ASIC2: variants seen among roughly 807,000 people sequenced by gnomAD.
ASIC2 encodes the protein acid-sensing ion channel 2.
A neutral mutation model predicts 57.3 loss-of-function variants in ASIC2; 25 were observed. That is an observed-to-expected ratio of 0.44 (90% CI 0.32 to 0.61). The LOEUF is 0.61. Ranked by LOEUF, ASIC2 falls within the 20% of genes least tolerant of loss-of-function variation. The pLI, the probability that ASIC2 is intolerant of heterozygous loss-of-function variation, is 0.06. For missense variants in ASIC2, 641 were observed against 738.1 expected (o/e 0.87, Z 1.52); for synonymous variants, 319 against 307.5 (o/e 1.04, Z -0.39).
At chr17:33,398,051 G>A (rs1462649330) in intron 1 of ASIC2, among the ~76,000 whole-genome samples, 3 of 152,202 alleles carry the variant, frequency 2.0e-5, no homozygotes, top group African/African-American at 7.2e-5. Flanking sequence ...ACAGGGAGAT[G>A]CCTCTGTCTA....
intron 1 of ASIC2, among the ~76,000 whole-genome samples, chr17:33,960,699 G>A (rs111673321): frequency 5.5e-4 from 83 of 152,154 alleles, no homozygotes; most frequent in African/African-American, 1.9e-3. Context: ...CCTGCTTCTG[G>A]AATTTGTCCT....
chr17:34,007,768 C>T (rs924641136), intron 1 of ASIC2, among the ~76,000 whole-genome samples: 2 of 152,228 alleles, frequency 1.3e-5, no homozygotes, highest in African/African-American at 4.8e-5. Flanking sequence ...AACCTCGTTT[C>T]TCCCAATCCC....
intron 1 of ASIC2, among the ~76,000 whole-genome samples, chr17:33,235,351 T>C (rs374019246): frequency 1.4e-4 from 21 of 152,166 alleles, no homozygotes; most frequent in Admixed American, 5.9e-4. Context: ...GAGGGAGTTC[T>C]CTGGTGCTGG....
intron 1 of ASIC2, among the ~76,000 whole-genome samples, chr17:33,978,137 C>T (rs978177531): frequency 1.3e-5 from 2 of 152,190 alleles, no homozygotes; most frequent in South Asian, 2.1e-4. Flanking sequence ...TTGAATGTGC[C>T]TGTGCTGGCC....
At chr17:33,224,868 G>T (rs768721790) in intron 1 of ASIC2, among the ~76,000 whole-genome samples, 2 of 152,206 alleles carry the variant, frequency 1.3e-5, no homozygotes, top group Non-Finnish European at 2.9e-5. Context: ...AAAGCTATAA[G>T]TATCAGGTAC....
chr17:33,027,978 C>G (rs2091865919), intron 4 of ASIC2, among the ~76,000 whole-genome samples: 1 of 152,226 alleles, frequency 6.6e-6, no homozygotes, highest in South Asian at 2.1e-4. Context: ...GAGGTAAGAA[C>G]AGCAGACAAC....
intron 1 of ASIC2, among the ~76,000 whole-genome samples, chr17:33,508,184 C>G (rs1418070686): frequency 6.6e-6 from 1 of 152,050 alleles, no homozygotes; most frequent in Non-Finnish European, 1.5e-5. Context: ...CCCCTCCTCC[C>G]TTGCTCCCTT....
chr17:33,297,785 G>T (rs1263559335), upstream of ASIC2, among the ~76,000 whole-genome samples: 1 of 151,672 alleles, frequency 6.6e-6, no homozygotes, highest in Admixed American at 6.6e-5. Flanking sequence ...TCATGCCACT[G>T]TACTCCAGCC....
At chr17:33,427,710 A>T (rs1274668215) in intron 1 of ASIC2, among the ~76,000 whole-genome samples, 1 of 152,136 alleles carries the variant, frequency 6.6e-6, no homozygotes, top group Non-Finnish European at 1.5e-5. Flanking sequence ...GTGATTCTCA[A>T]CCCTGGCTGT....
At chr17:33,639,190 C>T (rs2142032320) in intron 1 of ASIC2, among the ~76,000 whole-genome samples, 1 of 152,000 alleles carries the variant, frequency 6.6e-6, no homozygotes, top group East Asian at 2.0e-4. Context: ...TCCAAGGAGT[C>T]AATCTGCTTA....
Position 33,814,729 on chromosome 17 carries a change from C to T in ASIC2, c.555+341249G>A, listed in dbSNP as rs79302682. On this transcript the variant is annotated intron_variant, in intron 1 of 9. Transcript: ENST00000359872. ...TGAGTGGCACATATGTGCAGGTGTG[C>T]GACCGCATAATTATTCATAATTTTT... Among the ~76,000 whole-genome samples the T allele has an allele frequency of 3.6e-3, 543 of 152,252 alleles. 2 individuals are homozygous for T. Among genetic ancestry groups the T allele is most frequent in the Non-Finnish European group, 5.9e-3 (398 of 68,034 alleles).
In ASIC2 at chr17:33,980,942, A is replaced by ATTTT. The variant is rs34633102; in HGVS notation, c.555+175032_555+175035dup. 1.1e-4 allele frequency: 14 copies of ATTTT among 130,582 alleles called. 1 individual carries two copies. The highest frequency in any genetic ancestry group is 2.3e-4 in the African/African-American group (8 of 34,498). 8.1% of individuals were successfully genotyped at this position (130,582 alleles called of 1,614,324 possible). On this transcript the variant is annotated intron_variant, in intron 1 of 9. Coordinates refer to the ASIC2 transcript ENST00000359872. ...TCTCCCCATCCCTTCCTCAAGTGTA[A>ATTTT]TTTTTTTTTTTTTAGACAGAATCTT...
chr17:33,526,897 C>G (rs1052647380), intron 1 of ASIC2, among the ~76,000 whole-genome samples: 5 of 152,216 alleles, frequency 3.3e-5, no homozygotes, highest in African/African-American at 1.2e-4. Flanking sequence ...TGCATCTGTT[C>G]CCTAATCAAA....
At chr17:33,911,835 A>G (rs1244814646) in intron 1 of ASIC2, among the ~76,000 whole-genome samples, 1 of 152,118 alleles carries the variant, frequency 6.6e-6, no homozygotes, top group Non-Finnish European at 1.5e-5. Context: ...AAAGCAGTGG[A>G]TCGGCTGGGC....
rs201934419 is a variant in ASIC2 at position 33,894,350 on chromosome 17, CGTGT to C, written c.555+261624_555+261627del. Among the ~76,000 whole-genome samples the C allele has an allele frequency of 1.3e-3, 183 of 138,614 alleles. 2 individuals carry two copies. Among genetic ancestry groups the C allele is most frequent in the South Asian group, 6.6e-3 (27 of 4,110 alleles). 90.9% of individuals were successfully genotyped at this position (138,614 alleles called of 152,430 possible). On this transcript the variant is annotated intron_variant, in intron 1 of 9. Transcript: ENST00000359872. ...CTCTGCGTGCGTGCGTGCGTGCGTG[CGTGT>C]GTGTGTGTGTGTGTGTGTGTGTGTG...
chr17:33,547,611 C>G (rs1230283166), intron 1 of ASIC2, among the ~76,000 whole-genome samples: 1 of 152,146 alleles, frequency 6.6e-6, no homozygotes, highest in Non-Finnish European at 1.5e-5. Context: ...GTCGCCCCAT[C>G]CTGCAGAAGC....
At chr17:33,609,487 G>A (rs551498171) in intron 1 of ASIC2, among the ~76,000 whole-genome samples, 7 of 152,172 alleles carry the variant, frequency 4.6e-5, no homozygotes, top group East Asian at 3.9e-4. Context: ...TGATCCTCCC[G>A]TGTTTCCTCC....
chr17:34,056,780 C>T (rs983801068), intron 1 of ASIC2, among the ~76,000 whole-genome samples: 4 of 152,226 alleles, frequency 2.6e-5, no homozygotes, highest in Non-Finnish European at 5.9e-5. Context: ...TCAGTAAATG[C>T]TTCTGACTTT....
At chr17:33,166,522 G>A (rs1408429012) in intron 1 of ASIC2, among the ~76,000 whole-genome samples, 2 of 152,194 alleles carry the variant, frequency 1.3e-5, no homozygotes, top group Admixed American at 6.5e-5. Context: ...TGTTTCTGGA[G>A]TCCCTGAACT....
Sources: gnomAD v4.1 joint callset for allele counts (sites outside exome capture counted in the v4.1 genomes callset) on GRCh38, gnomAD v4.1.1 for gene constraint, MANE v1.5 for transcripts, NCBI Gene and HGNC (gene_info 2026-07-23, HGNC 2026-07-21) for gene names.